The following ORC5 variants were observed in gnomAD, a reference collection of about 807,000 sequenced individuals.
ORC5 encodes protein phosphatase 1, regulatory subunit 117.
Under a neutral mutation model 58.8 loss-of-function variants are expected in ORC5, and 39 were observed. That is an observed-to-expected ratio of 0.66 (90% CI 0.51 to 0.87). The LOEUF is 0.87. ORC5 is among the 40% of genes least tolerant of loss of function. ORC5 has a pLI of 0.00. For synonymous variants in ORC5, 218 were observed against 177.6 expected, an observed-to-expected ratio of 1.23 and a Z score of -1.81; for missense variants, 493 against 506.3, an observed-to-expected ratio of 0.97 and a Z score of 0.25.
At chr7:104,205,821 G>T (rs1031574308) in intron 1 of ORC5, among the ~76,000 whole-genome samples, 1 of 152,056 alleles carries the variant, frequency 6.6e-6, no homozygotes, top group Non-Finnish European at 1.5e-5. Flanking sequence ...GTTCGCCTGG[G>T]AAATACAGTG....
chr7:104,169,407 T>C (rs535230519), intron 8 of ORC5, among the ~76,000 whole-genome samples: 1 of 152,314 alleles, frequency 6.6e-6, no homozygotes, highest in African/African-American at 2.4e-5. Flanking sequence ...GAAGTGATTA[T>C]GACACGACAA....
At chr7:104,139,359 T>C (rs1320276872) in intron 12 of ORC5, among the ~76,000 whole-genome samples, 1 of 152,320 alleles carries the variant, frequency 6.6e-6, no homozygotes. Flanking sequence ...CTTTTTTTTA[T>C]AGATAAGCCT....
intron 12 of ORC5, among the ~76,000 whole-genome samples, chr7:104,149,844 T>C (rs989674717): frequency 1.3e-5 from 2 of 152,240 alleles, no homozygotes; most frequent in African/African-American, 4.8e-5. Context: ...GACTAGGTCC[T>C]ACGTTATGAC....
intron 13 of ORC5, among the ~76,000 whole-genome samples, chr7:104,135,899 T>G (rs1798580127): frequency 6.6e-6 from 1 of 152,168 alleles, no homozygotes; most frequent in Non-Finnish European, 1.5e-5. Context: ...TGGATTGCCC[T>G]GTTCACTCTG....
chr7:104,205,084 C>CTTTTTTTTTTTTTTT (rs769195880), intron 1 of ORC5, among the ~76,000 whole-genome samples: 5 of 102,390 alleles, frequency 4.9e-5, no homozygotes, highest in African/African-American at 1.7e-4. Context: ...TTTAATAATA[C>CTTTTTTTTTTTTTTT]TCTTTTTTTT....
rs760577957 is a variant in ORC5, at chr7:104,168,424, T to C, written c.877+49A>G. On this transcript the variant is annotated intron_variant, in intron 9 of 13. Coordinates refer to ENST00000297431, the MANE Select transcript of ORC5 (RefSeq NM_002553.4). ...AGTATTAACTTTAGTATCTTGATAA[T>C]TAGCTGAAGAAGTATCTCCGGTAAC... 9 of 1,594,206 alleles carry C rather than the reference T, an allele frequency of 5.6e-6. No individual in the cohort carries two copies. The East Asian group carries it at 1.1e-4, about 20-fold the overall frequency.
intron 3 of ORC5, among the ~76,000 whole-genome samples, chr7:104,198,953 TCA>T: frequency 6.6e-6 from 1 of 152,314 alleles, no homozygotes; most frequent in East Asian, 1.9e-4. Flanking sequence ...GGCTGTTGCT[TCA>T]GAGAGTGCAA....
chr7:104,160,658 C>T (rs1463246055), intron 12 of ORC5, among the ~76,000 whole-genome samples: 1 of 151,928 alleles, frequency 6.6e-6, no homozygotes, highest in African/African-American at 2.4e-5. Context: ...AATAAAAGCA[C>T]ATCTATCTGC....
intron 12 of ORC5, among the ~76,000 whole-genome samples, chr7:104,146,510 A>C (rs765535847): frequency 3.3e-5 from 5 of 152,220 alleles, no homozygotes; most frequent in Non-Finnish European, 7.3e-5. Flanking sequence ...ACATGCAAAA[A>C]TTTGGATGAA....
At chr7:104,158,310 T>G (rs1222183892) in intron 12 of ORC5, among the ~76,000 whole-genome samples, 1 of 152,120 alleles carries the variant, frequency 6.6e-6, no homozygotes, top group Non-Finnish European at 1.5e-5. Flanking sequence ...CCTTACACCT[T>G]ATACAAAAAT....
chr7:104,207,671 G>T (rs776548147), intron 1 of ORC5, among the ~76,000 whole-genome samples, 162 bp downstream of exon 1: 2 of 152,208 alleles, frequency 1.3e-5, no homozygotes, highest in African/African-American at 4.8e-5. Flanking sequence ...ATTCGGAAGA[G>T]ACTGTGGGTG....
At position 104,197,787 on chromosome 7, in the gene ORC5, CT is replaced by C; in HGVS notation, c.378del (p.Ala127GlnfsTer4). The C allele has an allele frequency of 1.3e-6, 2 of 1,580,868 alleles. No individual in the cohort carries two copies. Among genetic ancestry groups the C allele is most frequent in the South Asian group, 1.2e-5 (1 of 83,372 alleles). On this transcript the variant is annotated frameshift_variant, in exon 4 of 14. Coordinates refer to ENST00000297431, the MANE Select transcript of ORC5 (RefSeq NM_002553.4). LOFTEE classifies it high-confidence loss of function. ...GCTTCCATATCTCTTAGATACTCTG[CT>C]TTATCTAGAACCTTTAAAAAACAAA... ...KDQTVYIVLD[K>X]AEYLRDMEAN... is the part of the protein sequence containing the mutation.
intron 11 of ORC5, among the ~76,000 whole-genome samples, chr7:104,164,868 T>G (rs188545391): frequency 6.6e-6 from 1 of 151,596 alleles, no homozygotes; most frequent in East Asian, 1.9e-4. Context: ...TCTGGGGGTC[T>G]CTCATCTGCT....
intron 13 of ORC5, among the ~76,000 whole-genome samples, chr7:104,135,010 G>A (rs900236695): frequency 6.6e-6 from 1 of 152,298 alleles, no homozygotes. Flanking sequence ...GCTTCCTTCT[G>A]AGGTGGTAAA....
chr7:104,164,973 T>C (rs776041001), intron 11 of ORC5, among the ~76,000 whole-genome samples: 2 of 152,226 alleles, frequency 1.3e-5, no homozygotes, highest in Non-Finnish European at 2.9e-5. Flanking sequence ...TGTATTTAAC[T>C]AAATAATCCA....
At chr7:104,188,482 C>T (rs1314229983) in intron 5 of ORC5, 101 bp from the exon 6 acceptor site, 2 of 753,832 alleles carry the variant, frequency 2.7e-6, no homozygotes, top group African/African-American at 3.5e-5. Context: ...AACACCCAGA[C>T]CCAGCAACAA....
intron 12 of ORC5, among the ~76,000 whole-genome samples, chr7:104,140,476 A>G (rs190049923): frequency 6.6e-4 from 101 of 152,260 alleles, no homozygotes; most frequent in African/African-American, 2.3e-3. Context: ...CTATTTTGGA[A>G]GTCCTCCTTT....
At chr7:104,179,640 GTTT>G (rs571710790) in intron 8 of ORC5, among the ~76,000 whole-genome samples, 1 of 150,318 alleles carries the variant, frequency 6.7e-6, no homozygotes, top group African/African-American at 2.4e-5. Flanking sequence ...CTAAACTGCA[GTTT>G]TTTTTGTTGT....
intron 12 of ORC5, among the ~76,000 whole-genome samples, chr7:104,142,820 C>T (rs1458581347): frequency 6.6e-6 from 1 of 152,104 alleles, no homozygotes; most frequent in Non-Finnish European, 1.5e-5. Context: ...TGTTTGACAC[C>T]TTTACTATGA....
Sources: allele counts gnomAD v4.1 joint callset (sites outside exome capture counted in the v4.1 genomes callset), GRCh38; gene constraint gnomAD v4.1.1; transcripts MANE v1.5; gene names NCBI Gene and HGNC (gene_info 2026-07-23, HGNC 2026-07-21).